The following CLASP2 variants were observed in gnomAD, a reference collection of about 807,000 sequenced individuals.
CLASP2 encodes cytoplasmic linker associated protein 2.
A neutral mutation model predicts 194.4 loss-of-function variants in CLASP2; 47 were observed. That is an observed-to-expected ratio of 0.24 (90% confidence interval 0.19 to 0.31). The LOEUF (loss-of-function observed/expected upper bound fraction) is 0.31. Ranked by LOEUF, CLASP2 falls within the 10% of genes least tolerant of loss-of-function variation. The probability of loss-of-function intolerance (pLI) is 1.00; values close to 1 mark genes in which losing one functional copy is unlikely to be tolerated. For missense variants in CLASP2, 1,445 were observed against 1,823.6 expected, an observed-to-expected ratio of 0.79 and a Z score of 3.78; for synonymous variants, 619 against 633.5, an observed-to-expected ratio of 0.98 and a Z score of 0.34.
intron 10 of CLASP2, among the ~76,000 whole-genome samples, chr3:33,622,746 G>A (rs1291729932): frequency 6.6e-6 from 1 of 151,964 alleles, no homozygotes; most frequent in Non-Finnish European, 1.5e-5. Flanking sequence ...ATCTACTAAG[G>A]GAGCCTATTT....
At chr3:33,540,413 AT>A (rs959470712) in intron 32 of CLASP2, among the ~76,000 whole-genome samples, 15 of 150,354 alleles carry the variant, frequency 1.0e-4, no homozygotes, top group South Asian at 4.2e-4. Context: ...ATTTAAAAAA[AT>A]TTTTTTTTGT....
chr3:33,703,721 A>C (rs954286832), intron 1 of CLASP2, among the ~76,000 whole-genome samples: 1 of 152,238 alleles, frequency 6.6e-6, no homozygotes, highest in African/African-American at 2.4e-5. Flanking sequence ...CCTGGACTCA[A>C]GCAATCCACT....
chr3:33,498,690 G>A lies in CLASP2; in HGVS notation c.4462C>T (p.Arg1488Cys). The A allele has an allele frequency of 1.9e-6, 3 of 1,613,032 alleles. No homozygotes were observed. Among genetic ancestry groups the A allele is most frequent in the Non-Finnish European group, 2.5e-6 (3 of 1,179,232 alleles). The change falls in exon 39 of 39, where the codon CGT becomes TGT. Residue 1488 changes from arginine (R) to cysteine (C), a missense_variant. Arg to Cys is a radical substitution (Grantham distance 180). Coordinates refer to ENST00000682230, the MANE Select transcript of CLASP2 (RefSeq NM_001365631.1). ...KMKLLNLYIK[R>C]AQTGSGGADP... ...GCTCCTCCAGAACCTGTTTGTGCAC[G>A]TTTGATGTAAAGATTCAGTAGCTTC...
At position 33,637,072 on chromosome 3, in the gene CLASP2, TAG is replaced by T. The variant is rs574939741; in HGVS notation, c.863-4703_863-4702del. On this transcript the variant is annotated intron_variant, in intron 8 of 38. Coordinates refer to ENST00000682230, the MANE Select transcript of CLASP2 (RefSeq NM_001365631.1). ...AGCTGACTAAAAGGAAGTGAATATA[TAG>T]GTTAATAAACTTACAGAAAATAAAA... Among the ~76,000 whole-genome samples the T allele has an allele frequency of 9.9e-5, 15 of 152,224 alleles. No individual in the cohort carries two copies. In the East Asian group the frequency reaches 2.9e-3, roughly 29 times the overall value.
chr3:33,713,690 T>C (rs923793893), intron 1 of CLASP2, among the ~76,000 whole-genome samples: 1 of 152,094 alleles, frequency 6.6e-6, no homozygotes, highest in Non-Finnish European at 1.5e-5. Flanking sequence ...CTTTTTTTTT[T>C]TTCTCTCCCC....
chr3:33,638,488 A>G (rs1162331554), intron 8 of CLASP2, among the ~76,000 whole-genome samples: 1 of 151,860 alleles, frequency 6.6e-6, no homozygotes, highest in African/African-American at 2.4e-5. Flanking sequence ...TTGTATTTTC[A>G]GTAGAGACAG....
chr3:33,594,755 G>A (rs1334071951), intron 20 of CLASP2, among the ~76,000 whole-genome samples, 196 bp downstream of exon 20: 1 of 148,264 alleles, frequency 6.7e-6, no homozygotes, highest in Non-Finnish European at 1.5e-5. Context: ...AAGCAAACCA[G>A]CAGGATGAAG....
Position 33,535,235 on chromosome 3 carries a change from T to C in CLASP2, c.3785A>G (p.Asp1262Gly). Residue 1262 changes from aspartate (D) to glycine (G), a missense_variant and splice_region_variant, in exon 34 of 39, where the codon GAC becomes GGC. By Grantham distance (94) the Asp-to-Gly change is moderately conservative. This residue lies in a region of CLASP2 where 732 missense variants were observed against 987.9 expected (regional missense o/e 0.74). Coordinates refer to ENST00000682230, the MANE Select transcript of CLASP2 (RefSeq NM_001365631.1). ...MFDDDADQFP[D>G]DLSLDHSDLV... ...TAGCAGTGTGACCCAGAACATACCG[T>C]CAGGAAACTGGTCAGCATCATCATC... 6.2e-7 allele frequency: 1 copy of C among 1,610,874 alleles called. No individual in the cohort carries two copies. The highest frequency in any genetic ancestry group is 8.5e-7 in the Non-Finnish European group (1 of 1,177,160).
intron 36 of CLASP2, among the ~76,000 whole-genome samples, chr3:33,514,092 A>G (rs1458229799): frequency 6.6e-6 from 1 of 152,174 alleles, no homozygotes; most frequent in Non-Finnish European, 1.5e-5. Flanking sequence ...GGTTCAAGCA[A>G]TTCTCTTGCC....
At chr3:33,536,630 G>T (rs902764557) in intron 33 of CLASP2, among the ~76,000 whole-genome samples, 1 of 152,200 alleles carries the variant, frequency 6.6e-6, no homozygotes, top group Non-Finnish European at 1.5e-5. Flanking sequence ...CTCTGAGACA[G>T]AGACCTCCTA....
chr3:33,527,308 A>T (rs1004794238), intron 34 of CLASP2, among the ~76,000 whole-genome samples: 1 of 152,236 alleles, frequency 6.6e-6, no homozygotes, highest in Non-Finnish European at 1.5e-5. Context: ...GCACAGAAAT[A>T]AAAACCATCA....
rs537377847 is a variant in CLASP2, at chr3:33,531,762, C to G, written c.3787+3471G>C. Among the ~76,000 whole-genome samples the G allele has an allele frequency of 1.9e-4, 29 of 152,066 alleles. 2 individuals are homozygous for G. In the South Asian group the frequency reaches 6.0e-3, roughly 32 times the overall value. On this transcript the variant is annotated intron_variant, in intron 34 of 38. Transcript: ENST00000682230. Reference sequence around the variant, plus strand: ...TGCACTCCAGCCTAGACGACAAGAGCGAAACTCTGTCTCAAAACAAAAACA... The same window carrying G: ...TGCACTCCAGCCTAGACGACAAGAGGGAAACTCTGTCTCAAAACAAAAACA...
rs1338925495 is a variant in CLASP2, at chr3:33,717,807, C to T, written c.195+1G>A. ...AGCCCAGCCTCGCCGCCGTCGCTTA[C>T]CCGGTAGTTGCTCGAACCCACCCAG... is the stretch of plus-strand genomic sequence containing the variant. On this transcript the variant is annotated splice_donor_variant, in intron 1 of 38. Transcript: ENST00000682230. LOFTEE classifies it high-confidence loss of function. 6.4e-7 allele frequency: 1 copy of T among 1,555,684 alleles called. No homozygotes were observed. The highest frequency in any genetic ancestry group is 1.9e-5 in the Admixed American group (1 of 51,586).
intron 34 of CLASP2, among the ~76,000 whole-genome samples, chr3:33,529,763 T>C (rs990945040): frequency 1.3e-5 from 2 of 151,738 alleles, no homozygotes; most frequent in Non-Finnish European, 2.9e-5. Context: ...GGGTGGATCA[T>C]GAGGTCAGGA....
chr3:33,577,288 C>A (rs781646252), intron 23 of CLASP2: 3 of 1,586,002 alleles, frequency 1.9e-6, no homozygotes, highest in Admixed American at 3.4e-5. Flanking sequence ...ACCATACAAA[C>A]CTCATCTATT....
chr3:33,669,488 A>G lies in CLASP2; in HGVS notation c.645-5973T>C, dbSNP rs116454465. Among the ~76,000 whole-genome samples the G allele has an allele frequency of 2.8e-3, 426 of 152,274 alleles. 1 individual carries two copies. Among genetic ancestry groups the G allele is most frequent in the African/African-American group, 9.8e-3 (406 of 41,572 alleles). ...AAGTACAAAAGCAAGTCACAGAGTG[A>G]GAGAAGATACTTGAAGCATATAGCA... On this transcript the variant is annotated intron_variant, in intron 6 of 38. Transcript: ENST00000682230.
intron 5 of CLASP2, among the ~76,000 whole-genome samples, chr3:33,685,045 T>A (rs1335841657): frequency 1.7e-5 from 2 of 118,492 alleles, no homozygotes; most frequent in East Asian, 5.1e-4. Flanking sequence ...ATAATAATAA[T>A]AAATCTATTT....
chr3:33,691,774 G>A (rs2091381731), intron 2 of CLASP2, among the ~76,000 whole-genome samples: 1 of 152,188 alleles, frequency 6.6e-6, no homozygotes, highest in Non-Finnish European at 1.5e-5. Flanking sequence ...CCTTGCAACA[G>A]TCCTATGAAA....
At chr3:33,583,286 A>G (rs188149292) in intron 22 of CLASP2, among the ~76,000 whole-genome samples, 1 of 152,386 alleles carries the variant, frequency 6.6e-6, no homozygotes, top group East Asian at 1.9e-4. Context: ...GTCACTTTCT[A>G]TATACACAGC....
Sources: gnomAD v4.1 joint callset for allele counts (sites outside exome capture counted in the v4.1 genomes callset) on GRCh38, gnomAD v4.1.1 for gene constraint, gnomAD v4.1.1 regional missense constraint, MANE v1.5 for transcripts, NCBI Gene and HGNC (gene_info 2026-07-23, HGNC 2026-07-21) for gene names.